The following GPR158 variants were observed in gnomAD, a reference collection of about 807,000 sequenced individuals.
GPR158 encodes the protein G protein-coupled receptor 158.
In GPR158, 30 loss-of-function variants were observed where a neutral mutation model predicts 78.2. The ratio of observed to expected loss-of-function variants is 0.38; its 90% confidence interval spans 0.29 to 0.52. GPR158 has a LOEUF of 0.52. Ranked by LOEUF, GPR158 falls within the 20% of genes least tolerant of loss-of-function variation. The pLI is 0.83. For missense variants in GPR158, 1,463 were observed against 1,523.5 expected, an observed-to-expected ratio of 0.96 and a Z score of 0.66; for synonymous variants, 581 against 591.1, an observed-to-expected ratio of 0.98 and a Z score of 0.25.
chr10:25,257,870 C>T (rs1384648948), intron 2 of GPR158, among the ~76,000 whole-genome samples: 1 of 152,144 alleles, frequency 6.6e-6, no homozygotes. Flanking sequence ...AGTCTTCTCT[C>T]TTCTGTCCAT....
At chr10:25,422,628 C>CAAG in intron 4 of GPR158, among the ~76,000 whole-genome samples, 1 of 143,234 alleles carries the variant, frequency 7.0e-6, no homozygotes, top group African/African-American at 2.5e-5. Context: ...ATTGTATTTG[C>CAAG]AAAAAAAAAA....
intron 4 of GPR158, among the ~76,000 whole-genome samples, chr10:25,459,154 A>G (rs1048054404): frequency 2.0e-5 from 3 of 152,080 alleles, no homozygotes; most frequent in African/African-American, 4.8e-5. Flanking sequence ...TTTCCAATCC[A>G]TATTGTGTAA....
chr10:25,333,539 A>G (rs571906870), intron 2 of GPR158, among the ~76,000 whole-genome samples: 2 of 152,266 alleles, frequency 1.3e-5, no homozygotes, highest in Non-Finnish European at 2.9e-5. Context: ...CCCATCCCCA[A>G]TGTAAGACGT....
intron 3 of GPR158, among the ~76,000 whole-genome samples, chr10:25,402,133 C>A (rs1177751160): frequency 6.6e-6 from 1 of 152,066 alleles, no homozygotes; most frequent in African/African-American, 2.4e-5. Flanking sequence ...TGGTATGTTA[C>A]ACTGAGGACA....
At chr10:25,432,091 A>G (rs538486384) in intron 4 of GPR158, among the ~76,000 whole-genome samples, 2 of 152,332 alleles carry the variant, frequency 1.3e-5, no homozygotes, top group South Asian at 4.1e-4. Flanking sequence ...AAATACTAGT[A>G]TATCTTTATA....
At chr10:25,523,580 T>G (rs564689379) in intron 5 of GPR158, among the ~76,000 whole-genome samples, 4 of 152,332 alleles carry the variant, frequency 2.6e-5, no homozygotes, top group African/African-American at 9.6e-5. Context: ...CGAATTCTAA[T>G]GTTTTTCTGC....
chr10:25,207,610 G>A (rs1853060986), intron 1 of GPR158, among the ~76,000 whole-genome samples: 1 of 152,142 alleles, frequency 6.6e-6, no homozygotes, highest in African/African-American at 2.4e-5. Flanking sequence ...GACAGGAAGT[G>A]AAGCTCAGGT....
chr10:25,592,431 C>T (rs1273192998), intron 8 of GPR158, among the ~76,000 whole-genome samples: 1 of 151,828 alleles, frequency 6.6e-6, no homozygotes, highest in East Asian at 1.9e-4. Flanking sequence ...TTATTTTTAA[C>T]CTCAATTTTC....
At position 25,559,025 on chromosome 10, in the gene GPR158, C is replaced by A. The variant is rs75350505; in HGVS notation, c.1514+7940C>A. On this transcript the variant is annotated intron_variant, in intron 6 of 10. Transcript: ENST00000376351. ...TTCGATATCCCTACTCATTAGCTCT[C>A]TATTTGTTCCATCAGTTATTGAGAG... is the stretch of plus-strand genomic sequence containing the variant. Among the ~76,000 whole-genome samples, 393 of 152,226 alleles carry A rather than the reference C, an allele frequency of 2.6e-3. 3 individuals carry two copies. The highest frequency in any genetic ancestry group is 9.0e-3 in the African/African-American group (373 of 41,524).
chr10:25,502,817 A>T (rs1222334031), intron 5 of GPR158, among the ~76,000 whole-genome samples: 2 of 152,180 alleles, frequency 1.3e-5, no homozygotes, highest in Non-Finnish European at 2.9e-5. Flanking sequence ...TCCTTTCTAT[A>T]GGCACTGGAA....
chr10:25,270,980 C>A (rs1419468437), intron 2 of GPR158, among the ~76,000 whole-genome samples: 1 of 152,190 alleles, frequency 6.6e-6, no homozygotes, highest in Non-Finnish European at 1.5e-5. Flanking sequence ...GCTGGCCTGG[C>A]CACTTTTTAA....
At chr10:25,392,154 T>TAAC (rs1386420144) in intron 2 of GPR158, among the ~76,000 whole-genome samples, 1 of 152,178 alleles carries the variant, frequency 6.6e-6, no homozygotes, top group African/African-American at 2.4e-5. Context: ...TATGTTCTTA[T>TAAC]AACAGCATGA....
At chr10:25,360,200 G>A (rs1449192319) in intron 2 of GPR158, among the ~76,000 whole-genome samples, 2 of 152,084 alleles carry the variant, frequency 1.3e-5, no homozygotes, top group African/African-American at 4.8e-5. Flanking sequence ...CCATTCTGTA[G>A]GTTGCCTGTT....
intron 2 of GPR158, among the ~76,000 whole-genome samples, chr10:25,340,603 T>G (rs910145191): frequency 2.6e-5 from 4 of 152,042 alleles, no homozygotes; most frequent in African/African-American, 9.7e-5. Flanking sequence ...CATGTTTAGA[T>G]GTAAGAGCGG....
intron 2 of GPR158, among the ~76,000 whole-genome samples, chr10:25,324,823 T>TTTTCTTTCTTTC (rs1268961432): frequency 3.6e-5 from 5 of 137,442 alleles, no homozygotes; most frequent in African/African-American, 1.5e-4. Flanking sequence ...GTATTTTCTT[T>TTTTCTTTCTTTC]TTTCTTTCTT....
intron 5 of GPR158, among the ~76,000 whole-genome samples, chr10:25,482,619 TTCTCTTTTC>T (rs1277840984): frequency 2.0e-5 from 3 of 152,126 alleles, no homozygotes; most frequent in African/African-American, 4.8e-5. Flanking sequence ...CTTGGGTCTT[TTCTCTTTTC>T]CCTTATGATC....
At chr10:25,438,156 TG>T (rs1256450095) in intron 4 of GPR158, among the ~76,000 whole-genome samples, 1 of 152,196 alleles carries the variant, frequency 6.6e-6, no homozygotes, top group Non-Finnish European at 1.5e-5. Flanking sequence ...ATTTTCTGGC[TG>T]GGATTTGGAA....
intron 2 of GPR158, among the ~76,000 whole-genome samples, chr10:25,314,832 CAT>C (rs1377627287): frequency 4.4e-4 from 58 of 131,056 alleles, no homozygotes; most frequent in Admixed American, 2.4e-3. Flanking sequence ...TTTAGTCATA[CAT>C]ATACACGTAT....
chr10:25,538,156 A>C (rs1327714210), intron 5 of GPR158, among the ~76,000 whole-genome samples: 35 of 152,200 alleles, frequency 2.3e-4, no homozygotes, highest in Admixed American at 2.2e-3. Context: ...CAGTTTGCTC[A>C]TAAGGATATC....
Sources: allele counts gnomAD v4.1 joint callset (sites outside exome capture counted in the v4.1 genomes callset), GRCh38; gene constraint gnomAD v4.1.1; transcripts MANE v1.5; gene names NCBI Gene and HGNC (gene_info 2026-07-23, HGNC 2026-07-21).